The following SPRED1 variants were observed in gnomAD, a reference collection of about 807,000 sequenced individuals.
SPRED1 encodes sprouty related EVH1 domain containing 1, also known as sprouty-related, EVH1 domain-containing protein 1.
SPRED1 carries 18 observed loss-of-function variants against 52.3 expected under a neutral mutation model. That is an observed-to-expected ratio of 0.34 (90% CI 0.24 to 0.51). The LOEUF (loss-of-function observed/expected upper bound fraction) is 0.51. SPRED1 is among the 20% of genes least tolerant of loss of function. The probability of loss-of-function intolerance (pLI) is 0.97; values close to 1 mark genes in which losing one functional copy is unlikely to be tolerated. For synonymous variants in SPRED1, 155 were observed against 179.7 expected, an observed-to-expected ratio of 0.86 and a Z score of 1.10; for missense variants, 485 against 551.0, an observed-to-expected ratio of 0.88 and a Z score of 1.20.
In SPRED1 at chr15:38,356,870, A is replaced by G. The variant is rs1888633397; in HGVS notation, c.*5206A>G. 2 of 152,184 alleles carry G rather than the reference A, an allele frequency of 1.3e-5. No homozygotes were observed. The highest frequency in any genetic ancestry group is 4.8e-5 in the African/African-American group (2 of 41,476). 9.4% of individuals were successfully genotyped at this position (152,184 alleles called of 1,614,324 possible). Reference sequence around the variant, plus strand: ...AAAAATTATAGTGTATCTCAACACTAGAATAAGTTGGATTACTATATTATA... The same window carrying G: ...AAAAATTATAGTGTATCTCAACACTGGAATAAGTTGGATTACTATATTATA... On this transcript the variant is annotated 3_prime_UTR_variant, in exon 7 of 7. Transcript: ENST00000299084.
chr15:38,356,611 CAT>C lies in SPRED1; in HGVS notation c.*4950_*4951del, dbSNP rs886051122. On this transcript the variant is annotated 3_prime_UTR_variant, in exon 7 of 7. Coordinates refer to ENST00000299084, the MANE Select transcript of SPRED1 (RefSeq NM_152594.3). ...GTTCACATATAGTTCATCTTAATAACATATTTATTCATCCTTAATTGTATTCA... is the reference window on the plus strand; with the variant it reads ...GTTCACATATAGTTCATCTTAATAACATTTATTCATCCTTAATTGTATTCA... The C allele has an allele frequency of 9.1e-4, 138 of 152,038 alleles. No homozygotes were observed. The highest frequency in any genetic ancestry group is 3.3e-3 in the African/African-American group (135 of 41,494). 9.4% of individuals were successfully genotyped at this position (152,038 alleles called of 1,614,324 possible). A position where few individuals can be genotyped will look rare whatever the true frequency, so the allele number is the denominator to read the frequency against.
chr15:38,266,908 T>C (rs1894318497), intron 1 of SPRED1, among the ~76,000 whole-genome samples: 1 of 152,216 alleles, frequency 6.6e-6, no homozygotes, highest in Admixed American at 6.5e-5. Flanking sequence ...TTTTGTGTAC[T>C]AGGCCCTAGC....
intron 5 of SPRED1, among the ~76,000 whole-genome samples, chr15:38,343,268 G>A (rs184504108): frequency 1.4e-3 from 211 of 152,226 alleles, no homozygotes; most frequent in Middle Eastern, 0.01. Context: ...TTCTCTAGAA[G>A]CTTGACTACA....
intron 4 of SPRED1, among the ~76,000 whole-genome samples, chr15:38,330,119 G>A (rs1048087493): frequency 2.4e-4 from 36 of 152,104 alleles, no homozygotes; most frequent in African/African-American, 8.2e-4. Flanking sequence ...TAGATCTACA[G>A]ACAGTAAACA....
intron 1 of SPRED1, among the ~76,000 whole-genome samples, chr15:38,254,983 C>T (rs889726029): frequency 6.6e-6 from 1 of 152,130 alleles, no homozygotes; most frequent in Non-Finnish European, 1.5e-5. Context: ...AGACTTCTTA[C>T]CAGTTTAATT....
At chr15:38,273,084 C>T (rs1894472858) in intron 1 of SPRED1, among the ~76,000 whole-genome samples, 1 of 152,126 alleles carries the variant, frequency 6.6e-6, no homozygotes, top group South Asian at 2.1e-4. Context: ...AGGACTTAGT[C>T]GTAAATTCTT....
chr15:38,272,490 G>C (rs1234049141), intron 1 of SPRED1, among the ~76,000 whole-genome samples: 1 of 151,998 alleles, frequency 6.6e-6, no homozygotes, highest in Non-Finnish European at 1.5e-5. Flanking sequence ...GGCTGGTCTC[G>C]AACTCCTGAC....
intron 1 of SPRED1, among the ~76,000 whole-genome samples, chr15:38,287,381 T>C (rs1318316477): frequency 6.6e-6 from 1 of 152,178 alleles, no homozygotes; most frequent in African/African-American, 2.4e-5. Flanking sequence ...AAAACTGTGA[T>C]TTTTCTTTAA....
chr15:38,262,175 T>C (rs1324226341), intron 1 of SPRED1, among the ~76,000 whole-genome samples: 1 of 152,252 alleles, frequency 6.6e-6, no homozygotes, highest in Non-Finnish European at 1.5e-5. Flanking sequence ...GGACCATTAA[T>C]AACTTTTTCC....
chr15:38,254,112 G>A (rs936906679), intron 1 of SPRED1, among the ~76,000 whole-genome samples: 5 of 152,098 alleles, frequency 3.3e-5, no homozygotes, highest in Non-Finnish European at 7.3e-5. Flanking sequence ...TTTCTATTGA[G>A]AAGGGATTTA....
At chr15:38,338,294 T>G (rs1212098742) in intron 4 of SPRED1, among the ~76,000 whole-genome samples, 11 of 36,364 alleles carry the variant, frequency 3.0e-4, no homozygotes, top group Admixed American at 2.7e-3. Context: ...CCCATTTTTG[T>G]TTTGTTTTGT....
chr15:38,311,482 G>A (rs1895366442), intron 2 of SPRED1, among the ~76,000 whole-genome samples: 1 of 152,040 alleles, frequency 6.6e-6, no homozygotes, highest in South Asian at 2.1e-4. Flanking sequence ...CTGTTTTCTG[G>A]AAAAGACTGT....
chr15:38,263,045 T>C (rs11852579), intron 1 of SPRED1, among the ~76,000 whole-genome samples: 125,526 of 152,154 alleles, frequency 0.82, 52,559 homozygotes, highest in Non-Finnish European at 0.9. Context: ...TGAGGAAGAA[T>C]GTAGTAAGAC....
chr15:38,351,980 A>G lies in SPRED1; in HGVS notation c.*316A>G, dbSNP rs1252569499. 7.8e-6 allele frequency: 3 copies of G among 383,954 alleles called. No homozygotes were observed. The highest frequency in any genetic ancestry group is 4.1e-5 in the African/African-American group (2 of 48,518). The allele number at this position is 383,954 out of a possible 1,614,324, so 23.8% of individuals were successfully genotyped here. On this transcript the variant is annotated 3_prime_UTR_variant, in exon 7 of 7. Coordinates refer to ENST00000299084, the MANE Select transcript of SPRED1 (RefSeq NM_152594.3). ...TTTTGGCATTTTTGTATATTTATGC[A>G]TTAGGTGATGGGACTTTTAAAGGTT...
chr15:38,339,558 G>T (rs1284550557), intron 4 of SPRED1, among the ~76,000 whole-genome samples, 179 bp from the exon 5 acceptor site: 1 of 152,026 alleles, frequency 6.6e-6, no homozygotes, highest in East Asian at 1.9e-4. Flanking sequence ...TCATATTATT[G>T]TATTTTGACA....
chr15:38,299,065 T>C (rs569262156), intron 1 of SPRED1, among the ~76,000 whole-genome samples: 1 of 152,298 alleles, frequency 6.6e-6, no homozygotes, highest in South Asian at 2.1e-4. Flanking sequence ...TATTTGCCTC[T>C]GGGATCCTTC....
intron 1 of SPRED1, among the ~76,000 whole-genome samples, chr15:38,272,347 C>A (rs895883990): frequency 7.1e-6 from 1 of 141,558 alleles, no homozygotes; most frequent in Admixed American, 7.6e-5. Context: ...TGGCTCACTG[C>A]AACTTCTGCC....
At chr15:38,350,086 CAT>C (rs1225515580) in intron 6 of SPRED1, among the ~76,000 whole-genome samples, 1 of 152,188 alleles carries the variant, frequency 6.6e-6, no homozygotes, top group Non-Finnish European at 1.5e-5. Flanking sequence ...AAGCTACACA[CAT>C]GTGTGTCTTT....
rs562452785 is a variant in SPRED1 at position 38,279,525 on chromosome 15, A to G, written c.33-19848A>G. Among the ~76,000 whole-genome samples, 4 of 152,340 alleles carry G rather than the reference A, an allele frequency of 2.6e-5. No individual in the cohort carries two copies. In the East Asian group the frequency reaches 7.7e-4, roughly 29 times the overall value. ...GTGCCAAACAGTGCTATCCTATTCT[A>G]ATCACAACCTCTGAAGTAAACTTCC... On this transcript the variant is annotated intron_variant, in intron 1 of 6. Transcript: ENST00000299084.
Sources: allele counts gnomAD v4.1 joint callset (sites outside exome capture counted in the v4.1 genomes callset), GRCh38; gene constraint gnomAD v4.1.1; transcripts MANE v1.5; gene names NCBI Gene and HGNC (gene_info 2026-07-23, HGNC 2026-07-21).